TRIM69: variants seen among roughly 807,000 people sequenced by gnomAD.
The protein encoded by TRIM69 is E3 ubiquitin-protein ligase TRIM69.
TRIM69 carries 29 observed loss-of-function variants against 37.7 expected under a neutral mutation model. The observed-to-expected ratio is 0.77, with a 90% CI of 0.57 to 1.05. TRIM69 has a LOEUF of 1.05. TRIM69 is among the 50% of genes least tolerant of loss of function. The pLI is 0.00. For synonymous variants in TRIM69, 209 were observed against 212.4 expected (o/e 0.98, Z 0.14); for missense variants, 596 against 579.9 (o/e 1.03, Z -0.28).
chr15:44,737,202 G>C (rs1014938618), intron 1 of TRIM69, among the ~76,000 whole-genome samples: 4 of 152,098 alleles, frequency 2.6e-5, no homozygotes, highest in African/African-American at 7.2e-5. Flanking sequence ...AAAGAAAATG[G>C]TTATTTACTA....
At chr15:44,757,955 T>G (rs942022029) in intron 3 of TRIM69, 1 of 152,654 alleles carries the variant, frequency 6.6e-6, no homozygotes, top group African/African-American at 2.4e-5. Context: ...ATAGGAGGTT[T>G]CAATGAGATC....
chr15:44,744,560 A>T (rs1374447552), intron 1 of TRIM69, among the ~76,000 whole-genome samples: 1 of 152,176 alleles, frequency 6.6e-6, no homozygotes, highest in Non-Finnish European at 1.5e-5. Flanking sequence ...GAAACTAATC[A>T]AAAGCTTACA....
At chr15:44,738,239 A>AT (rs56668338) in intron 1 of TRIM69, among the ~76,000 whole-genome samples, 3 of 147,360 alleles carry the variant, frequency 2.0e-5, no homozygotes, top group East Asian at 4.0e-4. Flanking sequence ...TTGTATTATT[A>AT]TTTTTTTTTT....
At chr15:44,738,144 C>T (rs1020429602) in intron 1 of TRIM69, among the ~76,000 whole-genome samples, 8 of 150,642 alleles carry the variant, frequency 5.3e-5, no homozygotes, top group African/African-American at 1.5e-4. Flanking sequence ...CTGCAACCTC[C>T]GCTTCCAGGG....
intron 6 of TRIM69, among the ~76,000 whole-genome samples, chr15:44,763,470 T>G (rs1482326543): frequency 6.6e-6 from 1 of 152,222 alleles, no homozygotes; most frequent in Admixed American, 6.5e-5. Context: ...TCCACTGTAC[T>G]CTTTTTCCCT....
intron 1 of TRIM69, among the ~76,000 whole-genome samples, chr15:44,740,343 C>T (rs1000075100): frequency 9.2e-5 from 14 of 152,202 alleles, no homozygotes; most frequent in South Asian, 2.1e-4. Context: ...TCCAAAGGAA[C>T]GCAGTTCCTC....
Position 44,756,467 on chromosome 15 carries a change from A to G in TRIM69, c.579+4A>G. The G allele has an allele frequency of 6.5e-7, 1 of 1,547,452 alleles. No homozygotes were observed. The highest frequency in any genetic ancestry group is 8.7e-7 in the Non-Finnish European group (1 of 1,143,408). The stretch of plus-strand genomic sequence containing the variant: ...GGAAGCTATTGCTGCTCACAAGGTG[A>G]GGAGCAAGAAAGAGGGGTTATGAGA... On this transcript the variant is annotated splice_donor_region_variant and intron_variant, in intron 3 of 6. Transcript: ENST00000329464.
At chr15:44,740,992 C>A (rs1418835538) in intron 1 of TRIM69, among the ~76,000 whole-genome samples, 3 of 151,932 alleles carry the variant, frequency 2.0e-5, no homozygotes, top group South Asian at 4.2e-4. Flanking sequence ...GAACTCTCCA[C>A]CCTAAATCAA....
intron 1 of TRIM69, among the ~76,000 whole-genome samples, chr15:44,741,043 C>T (rs991385391): frequency 6.7e-6 from 1 of 150,312 alleles, no homozygotes; most frequent in Non-Finnish European, 1.5e-5. Context: ...ACACCTATTC[C>T]AAAATTGACC....
At chr15:44,762,701 G>T (rs2087802576) in intron 6 of TRIM69, among the ~76,000 whole-genome samples, 3 of 151,580 alleles carry the variant, frequency 2.0e-5, no homozygotes, top group Non-Finnish European at 4.4e-5. Flanking sequence ...GTTTCATTTG[G>T]GTCTTTTTAT....
chr15:44,755,046 A>G lies in TRIM69; in HGVS notation c.153A>G (p.Pro51=). The G allele has an allele frequency of 6.2e-7, 1 of 1,614,220 alleles. No homozygotes were observed. Among genetic ancestry groups the G allele is most frequent in the Non-Finnish European group, 8.5e-7 (1 of 1,180,034 alleles). ...TGTGCAATGATTGGTTCCGAGACCC[A>G]CTGATGCTAAGCTGTGGCCACAACT... is the stretch of plus-strand genomic sequence containing the variant. ...CPLCNDWFRD[P]LMLSCGHNFC... Residue 51 remains proline (P), a synonymous_variant, in exon 2 of 7, where the codon CCA becomes CCG. Transcript: ENST00000329464.
At position 44,737,489 on chromosome 15, in the gene TRIM69, T is replaced by G. The variant is rs2087186102; in HGVS notation, c.6+779T>G. Among the ~76,000 whole-genome samples, 7 of 152,218 alleles carry G rather than the reference T, an allele frequency of 4.6e-5. No homozygotes were observed. In the South Asian group the frequency reaches 1.4e-3, roughly 31 times the overall value. On this transcript the variant is annotated intron_variant, in intron 1 of 6. Transcript: ENST00000329464. ...TAAACCTACTATATTCTTATTACTTTAAGGCCAAGTCAGTGAAAATAGACA... is the reference window on the plus strand; with the variant it reads ...TAAACCTACTATATTCTTATTACTTGAAGGCCAAGTCAGTGAAAATAGACA...
chr15:44,761,067 G>A (rs931457617), intron 6 of TRIM69, among the ~76,000 whole-genome samples: 3 of 151,878 alleles, frequency 2.0e-5, no homozygotes, highest in African/African-American at 4.8e-5. Flanking sequence ...ACAGGCGCCT[G>A]CCACCATGCC....
intron 1 of TRIM69, among the ~76,000 whole-genome samples, chr15:44,742,152 G>T (rs2087303296): frequency 1.3e-5 from 2 of 150,742 alleles, no homozygotes; most frequent in Admixed American, 1.3e-4. Context: ...GGGATGCAAG[G>T]CTGGTTCAAT....
chr15:44,748,718 C>T lies in TRIM69; in HGVS notation c.7-6182C>T, dbSNP rs191956445. Among the ~76,000 whole-genome samples the T allele has an allele frequency of 9.5e-4, 141 of 149,086 alleles. 1 individual carries two copies. Among genetic ancestry groups the T allele is most frequent in the Middle Eastern group, 7.1e-3 (2 of 280 alleles). On this transcript the variant is annotated intron_variant, in intron 1 of 6. Coordinates refer to ENST00000329464, the MANE Select transcript of TRIM69 (RefSeq NM_182985.5). ...ACGCATGCCTGTAATCCCAGCTACT[C>T]GGGAGTCTGAGACAGAAGACTCGCT...
At position 44,761,484 on chromosome 15, in the gene TRIM69, G is replaced by C. The variant is rs575944657; in HGVS notation, c.961+1612G>C. On this transcript the variant is annotated intron_variant, in intron 6 of 6. Coordinates refer to ENST00000329464, the MANE Select transcript of TRIM69 (RefSeq NM_182985.5). ...ATATCTCTTGTTTTGGTGGGAGGGT[G>C]GGACAGAGTCTCACTCTGATGTCCA... Among the ~76,000 whole-genome samples the C allele has an allele frequency of 1.6e-4, 24 of 152,210 alleles. No homozygotes were observed. In the South Asian group the frequency reaches 5.0e-3, roughly 32 times the overall value.
At chr15:44,766,328 G>C (rs972384029) in intron 6 of TRIM69, among the ~76,000 whole-genome samples, 8 of 152,252 alleles carry the variant, frequency 5.3e-5, no homozygotes, top group Admixed American at 6.5e-5. Flanking sequence ...ATTATGAGTA[G>C]CAATGACATA....
rs764840175 is a variant in TRIM69 at position 44,754,959 on chromosome 15, A to G, written c.66A>G (p.Ser22=). Residue 22 remains serine, a synonymous_variant, in exon 2 of 7, where the codon TCA becomes TCG. Transcript: ENST00000329464. ...DPGDYVEMND[S]ITHLPSKVVI... ...GCGACTATGTTGAAATGAATGATTC[A>G]ATCACCCACCTACCCTCTAAAGTGG... 6 of 1,614,176 alleles carry G rather than the reference A, an allele frequency of 3.7e-6. No individual in the cohort carries two copies. In the South Asian group the frequency reaches 6.6e-5, roughly 18 times the overall value.
chr15:44,758,544 A>T (rs1373230778), intron 3 of TRIM69, 77 bp from the exon 4 acceptor site: 1 of 1,570,202 alleles, frequency 6.4e-7, no homozygotes, highest in Admixed American at 1.8e-5. Context: ...CAAGTGTGTG[A>T]GTGTTGGTGG....
Sources: allele counts gnomAD v4.1 joint callset (sites outside exome capture counted in the v4.1 genomes callset), GRCh38; gene constraint gnomAD v4.1.1; transcripts MANE v1.5; gene names NCBI Gene and HGNC (gene_info 2026-07-23, HGNC 2026-07-21).